ATG2A: variants seen among roughly 807,000 people sequenced by gnomAD.
ATG2A encodes the protein autophagy related 2A, also known as autophagy-related protein 2 homolog A.
In ATG2A, 103 loss-of-function variants were observed where a neutral mutation model predicts 214.2. The ratio of observed to expected loss-of-function variants is 0.48; its 90% CI spans 0.41 to 0.57. ATG2A has a LOEUF of 0.57. Ranked by LOEUF, ATG2A falls within the 20% of genes least tolerant of loss-of-function variation. The probability of loss-of-function intolerance (pLI) is 0.00; values close to 1 mark genes in which losing one functional copy is unlikely to be tolerated. For synonymous variants in ATG2A, 1,160 were observed against 1,142.1 expected (o/e 1.02, Z -0.32); for missense variants, 2,312 against 2,613.2 (o/e 0.88, Z 2.51).
chr11:64,897,435 T>C lies in ATG2A; in HGVS notation c.5127A>G (p.Leu1709=), dbSNP rs1565739020. The C allele has an allele frequency of 1.3e-6, 2 of 1,570,490 alleles. No individual in the cohort carries two copies. Among genetic ancestry groups the C allele is most frequent in the Non-Finnish European group, 1.7e-6 (2 of 1,157,524 alleles). ...ACCCGTGCCTGCAACAGAGCCGCTT[T>C]AGCTTCAGCTCGGAGCAGTTGAGTT... ...LAQLNCSELK[L]KRLCCRHGLL... The change falls in exon 37 of 41, where the codon CTA becomes CTG. Residue 1709 remains leucine, a synonymous_variant. Coordinates refer to ENST00000377264, the MANE Select transcript of ATG2A (RefSeq NM_015104.3).
At position 64,907,508 on chromosome 11, in the gene ATG2A, G is replaced by A. The variant is rs750561225; in HGVS notation, c.2647+17C>T. 3.1e-5 allele frequency: 50 copies of A among 1,612,256 alleles called. No individual in the cohort carries two copies. The highest frequency in any genetic ancestry group is 3.3e-5 in the South Asian group (3 of 90,804). ...CTGGGGGTCCTCCCTCTAGCCCAGCGTTAGCACCTCTCATACCCAGCTTGA... is the reference window on the plus strand; with the variant it reads ...CTGGGGGTCCTCCCTCTAGCCCAGCATTAGCACCTCTCATACCCAGCTTGA... On this transcript the variant is annotated intron_variant, in intron 18 of 40. Transcript: ENST00000377264.
chr11:64,896,995 C>T, intron 37 of ATG2A, 126 bp from the exon 38 acceptor site: 1 of 1,336,102 alleles, frequency 7.5e-7, no homozygotes, highest in Non-Finnish European at 1.0e-6. Context: ...CCTGTGGTCC[C>T]ACCCAGTCAT....
Position 64,909,150 on chromosome 11 carries a change from C to A in ATG2A, c.2205G>T (p.Gln735His), listed in dbSNP as rs773706454. The change falls in exon 16 of 41, where the codon CAG becomes CAT. Residue 735 changes from glutamine to histidine, a missense_variant and splice_region_variant. Coordinates refer to ENST00000377264, the MANE Select transcript of ATG2A (RefSeq NM_015104.3). The stretch of plus-strand genomic sequence containing the variant: ...ACTGGGGGTTCACAGTCACCACTAC[C>A]CTGCCGGGGCACAGGCCTGTTACTG... Reference protein sequence around the residue: ...KSTGRKYFLPQVVVTVNPQSS... With the variant: ...KSTGRKYFLPHVVVTVNPQSS... The A allele has an allele frequency of 3.1e-6, 5 of 1,607,928 alleles. No homozygotes were observed. The East Asian group carries it at 1.1e-4, about 36-fold the overall frequency.
chr11:64,902,093 C>G lies in ATG2A; in HGVS notation c.3988G>C (p.Val1330Leu). 6.2e-7 allele frequency: 1 copy of G among 1,613,990 alleles called. No individual in the cohort carries two copies. Among genetic ancestry groups the G allele is most frequent in the Non-Finnish European group, 8.5e-7 (1 of 1,180,016 alleles). The change falls in exon 29 of 41, where the codon GTC (valine) becomes CTC (leucine). Residue 1330 changes from valine to leucine, a missense_variant. Transcript: ENST00000377264. Reference protein sequence around the residue: ...RSGAPPPSPPVGGPAGSLGSC... With the variant: ...RSGAPPPSPPLGGPAGSLGSC... Reference sequence around the variant, plus strand: ...CCTAAGCTGCCAGCAGGGCCCCCGACAGGTGGTGAAGGGGGTGGGGCCCCA... The same window carrying G: ...CCTAAGCTGCCAGCAGGGCCCCCGAGAGGTGGTGAAGGGGGTGGGGCCCCA...
rs1021205875 is a variant in ATG2A, at chr11:64,894,744, G to A, written c.*229C>T. 5 of 709,002 alleles carry A rather than the reference G, an allele frequency of 7.1e-6. No homozygotes were observed. The highest frequency in any genetic ancestry group is 1.7e-5 in the African/African-American group (1 of 57,368). 43.9% of individuals were successfully genotyped at this position (709,002 alleles called of 1,614,324 possible). ...GGCAGCAGTGTGGGCCCAGGTCGGGGGAGGGGCAGTGTCCTTTCTCCCCGG... is the reference window on the plus strand; with the variant it reads ...GGCAGCAGTGTGGGCCCAGGTCGGGAGAGGGGCAGTGTCCTTTCTCCCCGG... On this transcript the variant is annotated 3_prime_UTR_variant, in exon 41 of 41. Transcript: ENST00000377264.
intron 37 of ATG2A, 159 bp downstream of exon 37, chr11:64,897,253 G>A (rs1295879648): frequency 7.4e-6 from 6 of 810,866 alleles, no homozygotes; most frequent in South Asian, 1.8e-5. Context: ...ATGCCTGAAT[G>A]TGTGAGCCAT....
Position 64,907,266 on chromosome 11 carries a change from A to G in ATG2A, c.2821T>C (p.Cys941Arg). 6.6e-7 allele frequency: 1 copy of G among 1,511,046 alleles called. No individual in the cohort carries two copies. Among genetic ancestry groups the G allele is most frequent in the South Asian group, 1.3e-5 (1 of 78,820 alleles). 93.6% of individuals were successfully genotyped at this position (1,511,046 alleles called of 1,614,324 possible). A position where few individuals can be genotyped will look rare whatever the true frequency, so the allele number is the denominator to read the frequency against. Residue 941 changes from cysteine to arginine, a missense_variant, in exon 19 of 41, where the codon TGT becomes CGT. Cys to Arg is a radical substitution (Grantham distance 180). Coordinates refer to ENST00000377264, the MANE Select transcript of ATG2A (RefSeq NM_015104.3). Reference sequence around the variant, plus strand: ...GGGGCTGCACTCACCTTGGTCTCACAGAGGGCTGTGATCCGCCCCTTCAGC... The same window carrying G: ...GGGGCTGCACTCACCTTGGTCTCACGGAGGGCTGTGATCCGCCCCTTCAGC... Reference protein sequence around the residue: ...TVLKGRITALCETKDEGGKRL... With the variant: ...TVLKGRITALRETKDEGGKRL...
In ATG2A at chr11:64,898,355, A is replaced by C; in HGVS notation, c.4679T>G (p.Ile1560Ser). ...PRRAHSNMLT[I>S]KALHVAPTTN... is the part of the protein sequence containing the mutation. Reference sequence around the variant, plus strand: ...AGTGGGGGCCACATGCAGCGCTTTGATGGTGAGCTGGGAGCAGAGGGTGAG... The same window carrying C: ...AGTGGGGGCCACATGCAGCGCTTTGCTGGTGAGCTGGGAGCAGAGGGTGAG... The change falls in exon 33 of 41, where the codon ATC becomes AGC. Residue 1560 changes from isoleucine to serine, a missense_variant. Ile to Ser is a moderately radical substitution (Grantham distance 142). Transcript: ENST00000377264. This position sits in a 1 kb window ranked among gnomAD's most constrained non-coding sequence, Gnocchi z 4.5. 1 of 1,602,368 alleles carries C rather than the reference A, an allele frequency of 6.2e-7. No homozygotes were observed. The highest frequency in any genetic ancestry group is 8.5e-7 in the Non-Finnish European group (1 of 1,175,808).
At chr11:64,896,907 C>T in intron 37 of ATG2A, 38 bp from the exon 38 acceptor site, 6 of 1,608,934 alleles carry the variant, frequency 3.7e-6, no homozygotes, top group Non-Finnish European at 5.1e-6. Context: ...GAAGGTGAGG[C>T]AGAGCCACAC....
rs1944222738 is a variant in ATG2A, at chr11:64,898,162, G to T, written c.4782C>A (p.Leu1594=). The part of the protein sequence containing the change: ...PLRLNVDQDA[L]FFLKDFFTSL... The stretch of plus-strand genomic sequence containing the variant: ...TAGTGAAGAAGTCCTTGAGGAAGAA[G>T]AGGGCATCCTGCAAGGGAGAGGTCC... Residue 1594 remains leucine, a synonymous_variant, in exon 34 of 41, where the codon CTC becomes CTA. Coordinates refer to ENST00000377264, the MANE Select transcript of ATG2A (RefSeq NM_015104.3). This position sits in a 1 kb window ranked among gnomAD's most constrained non-coding sequence, Gnocchi z 4.5. The T allele has an allele frequency of 6.2e-7, 1 of 1,613,982 alleles. No homozygotes were observed. The highest frequency in any genetic ancestry group is 1.3e-5 in the African/African-American group (1 of 74,910).
chr11:64,913,576 T>C lies in ATG2A; in HGVS notation c.591-175A>G. 1.1e-6 allele frequency: 1 copy of C among 932,458 alleles called. No homozygotes were observed. The highest frequency in any genetic ancestry group is 1.6e-6 in the Non-Finnish European group (1 of 639,984). The allele number at this position is 932,458 out of a possible 1,614,324, so 57.8% of individuals were successfully genotyped here. The stretch of plus-strand genomic sequence containing the variant: ...CAGCCCGGAGGCTCAGGCCAGCCCT[T>C]GCTCCTCAGACCCTCAGCATCTAAC... On this transcript the variant is annotated intron_variant, in intron 4 of 40. Coordinates refer to ENST00000377264, the MANE Select transcript of ATG2A (RefSeq NM_015104.3). This position sits in a 1 kb window ranked among gnomAD's most constrained non-coding sequence, Gnocchi z 4.3.
Position 64,902,560 on chromosome 11 carries a change from G to A in ATG2A, c.3733C>T (p.Pro1245Ser), listed in dbSNP as rs1304982094. Reference protein sequence around the residue: ...QYVMSTGDLHPPPRPPSPTEI... With the variant: ...QYVMSTGDLHSPPRPPSPTEI... The stretch of plus-strand genomic sequence containing the variant: ...GTGGGGCTGGGGGGCCGGGGTGGGG[G>A]GTGCAGATCGCCTGTGCTCATTACG... The change falls in exon 27 of 41, where the codon CCC becomes TCC. Residue 1245 changes from proline (P) to serine (S), a missense_variant. Pro to Ser is a moderately conservative substitution (Grantham distance 74, BLOSUM62 -1). Transcript: ENST00000377264. 10 of 1,565,030 alleles carry A rather than the reference G, an allele frequency of 6.4e-6. No homozygotes were observed. The highest frequency in any genetic ancestry group is 8.6e-6 in the Non-Finnish European group (10 of 1,157,976).
chr11:64,906,965 C>A, intron 19 of ATG2A, 150 bp from the exon 20 acceptor site: 2 of 1,080,316 alleles, frequency 1.9e-6, no homozygotes, highest in East Asian at 2.6e-5. Context: ...TGGCACTTGC[C>A]TCTTTTGCCA....
chr11:64,904,585 A>G (rs896573361), intron 24 of ATG2A, among the ~76,000 whole-genome samples: 1 of 152,116 alleles, frequency 6.6e-6, no homozygotes, highest in African/African-American at 2.4e-5. Flanking sequence ...TTTAAGGGTA[A>G]CATAATGAAA....
At position 64,903,802 on chromosome 11, in the gene ATG2A, G is replaced by C. The variant is rs1229479384; in HGVS notation, c.3465-142C>G. On this transcript the variant is annotated intron_variant, in intron 24 of 40. Coordinates refer to ENST00000377264, the MANE Select transcript of ATG2A (RefSeq NM_015104.3). The surrounding 1 kb of genome is among the most constrained non-coding windows in gnomAD (Gnocchi z 4.2). ...TCAGCGTTCCTGCCTGCACAATGGG[G>C]AGAAGGCCCAGACAGCAGGCAGTGG... 9 of 763,128 alleles carry C rather than the reference G, an allele frequency of 1.2e-5. No homozygotes were observed. The highest frequency in any genetic ancestry group is 2.1e-5 in the South Asian group (1 of 47,342). The allele number at this position is 763,128 out of a possible 1,614,324, so 47.3% of individuals were successfully genotyped here. A position where few individuals can be genotyped will look rare whatever the true frequency, so the allele number is the denominator to read the frequency against.
Position 64,902,319 on chromosome 11 carries a change from TCA to T in ATG2A, c.3843_3844del (p.Asp1282ProfsTer37), listed in dbSNP as rs1316036857. The stretch of plus-strand genomic sequence containing the variant: ...GGTGTCCAGGAGGGCGTCGGCCAGG[TCA>T]CGCTGGTTGATGAGGGCCGTCTCCA... On this transcript the variant is annotated frameshift_variant, in exon 28 of 41. Transcript: ENST00000377264. LOFTEE classifies it high-confidence loss of function. The T allele has an allele frequency of 6.2e-7, 1 of 1,610,832 alleles. No homozygotes were observed. The highest frequency in any genetic ancestry group is 8.5e-7 in the Non-Finnish European group (1 of 1,179,454).
Position 64,905,818 on chromosome 11 carries a change from G to T in ATG2A, c.3295C>A (p.Pro1099Thr), listed in dbSNP as rs150242819. The change falls in exon 23 of 41, where the codon CCT becomes ACT. Residue 1099 changes from proline (P) to threonine (T), a missense_variant. Transcript: ENST00000377264. Reference sequence around the variant, plus strand: ...GTCGGGGGCAGGTAGCCCAGCACAGGGTCATCCAGCACGTCTAGGAACTCC... The same window carrying T: ...GTCGGGGGCAGGTAGCCCAGCACAGTGTCATCCAGCACGTCTAGGAACTCC... ...LLEFLDVLDD[P>T]VLGYLPPTVI... 1.9e-6 allele frequency: 3 copies of T among 1,613,630 alleles called. No individual in the cohort carries two copies. In the African/African-American group the frequency reaches 4.0e-5, roughly 22 times the overall value.
intron 29 of ATG2A, among the ~76,000 whole-genome samples, 193 bp from the exon 30 acceptor site, chr11:64,901,285 G>A (rs1366450776): frequency 6.6e-6 from 1 of 152,138 alleles, no homozygotes; most frequent in Non-Finnish European, 1.5e-5. Flanking sequence ...CTAGGCTCAA[G>A]CGATCCTCCA....
In ATG2A at chr11:64,910,166, A is replaced by G. The variant is rs1250447635; in HGVS notation, c.1737T>C (p.His579=). ...KSRPRRSVAC[H]CHSELALDLA... ...GGTCCAGGGCCAGTTCTGAGTGGCAATGGCAGGCAACTGAGCGCCGGGGTC... is the reference window on the plus strand; with the variant it reads ...GGTCCAGGGCCAGTTCTGAGTGGCAGTGGCAGGCAACTGAGCGCCGGGGTC... The change falls in exon 13 of 41, where the codon CAT becomes CAC. Residue 579 remains histidine (H), a synonymous_variant. Coordinates refer to ENST00000377264, the MANE Select transcript of ATG2A (RefSeq NM_015104.3). The G allele has an allele frequency of 8.7e-6, 14 of 1,608,516 alleles. No homozygotes were observed. Among genetic ancestry groups the G allele is most frequent in the Non-Finnish European group, 1.0e-5 (12 of 1,178,156 alleles).
Sources: allele counts gnomAD v4.1 joint callset (sites outside exome capture counted in the v4.1 genomes callset), GRCh38; gene constraint gnomAD v4.1.1; non-coding constraint Gnocchi (gnomAD v3.1); transcripts MANE v1.5; gene names NCBI Gene and HGNC (gene_info 2026-07-23, HGNC 2026-07-21).